GPBP1: variants seen among roughly 807,000 people sequenced by gnomAD.
The protein encoded by GPBP1 is GC-rich promoter binding protein 1.
Under a neutral mutation model 56.5 loss-of-function variants are expected in GPBP1, and 13 were observed. That is an observed-to-expected ratio of 0.23 (90% CI 0.15 to 0.37). GPBP1 has a LOEUF of 0.37. GPBP1 is among the 10% of genes least tolerant of loss of function. GPBP1 has a pLI of 1.00. For missense variants in GPBP1, 477 were observed against 572.3 expected, an observed-to-expected ratio of 0.83 and a Z score of 1.70; for synonymous variants, 204 against 188.9, an observed-to-expected ratio of 1.08 and a Z score of -0.66.
At chr5:57,237,531 C>G in intron 6 of GPBP1, 1 of 212,884 alleles carries the variant, frequency 4.7e-6, no homozygotes, top group Non-Finnish European at 9.7e-6. Context: ...AAGATGTACT[C>G]TTTACTGTGT....
intron 3 of GPBP1, among the ~76,000 whole-genome samples, chr5:57,218,693 C>T (rs957893907): frequency 6.6e-6 from 1 of 152,158 alleles, no homozygotes; most frequent in Non-Finnish European, 1.5e-5. Context: ...AACTTGATTT[C>T]ACCTCAAGTG....
chr5:57,200,820 T>C (rs1024494496), intron 2 of GPBP1, among the ~76,000 whole-genome samples: 1 of 152,202 alleles, frequency 6.6e-6, no homozygotes, highest in Admixed American at 6.5e-5. Context: ...TAGCTGGGAC[T>C]ACAGGCGCTA....
chr5:57,212,148 T>C (rs1473387833), intron 2 of GPBP1, among the ~76,000 whole-genome samples: 1 of 151,826 alleles, frequency 6.6e-6, no homozygotes. Context: ...CAGGCCGATC[T>C]CGAACTCCTG....
At chr5:57,228,610 G>C (rs1367601520) in intron 3 of GPBP1, among the ~76,000 whole-genome samples, 4 of 151,868 alleles carry the variant, frequency 2.6e-5, no homozygotes, top group African/African-American at 9.7e-5. Context: ...CTCTAAGGGG[G>C]AAAAAGATCC....
At chr5:57,242,882 C>T (rs1170174359) in intron 6 of GPBP1, among the ~76,000 whole-genome samples, 6 of 150,848 alleles carry the variant, frequency 4.0e-5, no homozygotes, top group Non-Finnish European at 5.9e-5. Context: ...CCCGAGTAGC[C>T]GGGATTAGAG....
chr5:57,185,869 G>A (rs554612732), intron 2 of GPBP1, among the ~76,000 whole-genome samples: 2 of 151,110 alleles, frequency 1.3e-5, no homozygotes, highest in South Asian at 4.2e-4. Flanking sequence ...GCACAGTGGC[G>A]TGCCCCCTGC....
At chr5:57,219,411 CAAA>C (rs1755845639) in intron 3 of GPBP1, among the ~76,000 whole-genome samples, 3 of 75,882 alleles carry the variant, frequency 4.0e-5, no homozygotes, top group African/African-American at 1.6e-4. Context: ...AAACCAAAAA[CAAA>C]CAAACAAAAA....
At position 57,214,020 on chromosome 5, in the gene GPBP1, G is replaced by A. The variant is rs76371208; in HGVS notation, c.-57-54G>A. ...AGTAAGATCATTGTAATATAAAGGC[G>A]CTAATTTTTGGCCAGGAGCTGCAGG... is the stretch of plus-strand genomic sequence containing the variant. On this transcript the variant is annotated intron_variant, in intron 2 of 11. Coordinates refer to ENST00000506184, the MANE Select transcript of GPBP1 (RefSeq NM_022913.4). 1.6e-4 allele frequency: 120 copies of A among 760,664 alleles called. No homozygotes were observed. The East Asian group carries it at 2.8e-3, about 18-fold the overall frequency. The allele number at this position is 760,664 out of a possible 1,614,324, so 47.1% of individuals were successfully genotyped here.
At chr5:57,207,356 T>G (rs1161927906) in intron 2 of GPBP1, among the ~76,000 whole-genome samples, 1 of 152,140 alleles carries the variant, frequency 6.6e-6, no homozygotes, top group Non-Finnish European at 1.5e-5. Flanking sequence ...TGAAACTTAG[T>G]GAAAGGTTCT....
At chr5:57,213,152 C>G (rs1187116921) in intron 2 of GPBP1, among the ~76,000 whole-genome samples, 1 of 152,012 alleles carries the variant, frequency 6.6e-6, no homozygotes, top group African/African-American at 2.4e-5. Context: ...CTCCCAGGTT[C>G]AAGTGATTTT....
At chr5:57,230,097 A>AT (rs1027089055) in intron 3 of GPBP1, among the ~76,000 whole-genome samples, 6 of 151,402 alleles carry the variant, frequency 4.0e-5, no homozygotes, top group South Asian at 2.1e-4. Context: ...CACCTGGCTC[A>AT]TTTTTTTGTG....
intron 2 of GPBP1, among the ~76,000 whole-genome samples, chr5:57,189,491 G>A (rs1195608500): frequency 6.6e-6 from 1 of 152,032 alleles, no homozygotes; most frequent in African/African-American, 2.4e-5. Flanking sequence ...CTCCTGGCCT[G>A]TGGTGATCCA....
chr5:57,261,235 C>T lies in GPBP1; in HGVS notation c.1216C>T (p.Pro406Ser). The change falls in exon 11 of 12, where the codon CCC becomes TCC. Residue 406 changes from proline (P) to serine (S), a missense_variant. Physicochemically the swap from Pro to Ser is moderately conservative, Grantham distance 74 (BLOSUM62 -1). Coordinates refer to ENST00000506184, the MANE Select transcript of GPBP1 (RefSeq NM_022913.4). ...CAGTGAAAATGATGAAACATGTGCT[C>T]CCTTAACTGAGGATGAAATGAGAGA... ...EDSENDETCA[P>S]LTEDEMREFQ... 1 of 1,612,908 alleles carries T rather than the reference C, an allele frequency of 6.2e-7. No individual in the cohort carries two copies. The highest frequency in any genetic ancestry group is 1.3e-5 in the African/African-American group (1 of 74,962).
intron 2 of GPBP1, among the ~76,000 whole-genome samples, chr5:57,179,942 C>T (rs1753967432): frequency 6.6e-6 from 1 of 151,474 alleles, no homozygotes; most frequent in Non-Finnish European, 1.5e-5. Flanking sequence ...GATTTTTGTG[C>T]TTGAAGCTGC....
intron 6 of GPBP1, among the ~76,000 whole-genome samples, chr5:57,241,143 G>C (rs967149453): frequency 6.6e-6 from 1 of 152,186 alleles, no homozygotes; most frequent in Non-Finnish European, 1.5e-5. Context: ...AAAGAATGAA[G>C]TAGTTAAATG....
chr5:57,218,488 C>T (rs1404788509), intron 3 of GPBP1, among the ~76,000 whole-genome samples: 1 of 152,136 alleles, frequency 6.6e-6, no homozygotes, highest in African/African-American at 2.4e-5. Flanking sequence ...GTGTGTGGAG[C>T]TTCCATGCCC....
At chr5:57,225,398 G>A (rs1756135495) in intron 3 of GPBP1, among the ~76,000 whole-genome samples, 3 of 151,028 alleles carry the variant, frequency 2.0e-5, no homozygotes, top group South Asian at 4.2e-4. Context: ...GGAGGCTGAG[G>A]CAGGAGAATG....
At chr5:57,177,533 G>A (rs1459600544) in intron 2 of GPBP1, among the ~76,000 whole-genome samples, 1 of 151,834 alleles carries the variant, frequency 6.6e-6, no homozygotes, top group African/African-American at 2.4e-5. Flanking sequence ...GAGTACAATG[G>A]CATGATTTTG....
rs758227998 is a variant in GPBP1 at position 57,246,332 on chromosome 5, A to G, written c.511A>G (p.Arg171Gly). The G allele has an allele frequency of 3.1e-6, 5 of 1,613,436 alleles. No homozygotes were observed. Among genetic ancestry groups the G allele is most frequent in the Non-Finnish European group, 3.4e-6 (4 of 1,179,690 alleles). The stretch of plus-strand genomic sequence containing the variant: ...TCCGAATCCTAAATCTAGAGCTCCA[A>G]GGATGCTGGTCATTAAGAAAGGTAA... ...YPPNPKSRAPRMLVIKKGNTK... is the reference protein window; with the variant it reads ...YPPNPKSRAPGMLVIKKGNTK... The change falls in exon 7 of 12, where the codon AGG becomes GGG. Residue 171 changes from arginine (R) to glycine (G), a missense_variant. Arg to Gly is a moderately radical substitution (Grantham distance 125, BLOSUM62 -2). Transcript: ENST00000506184.
Sources: allele counts gnomAD v4.1 joint callset (sites outside exome capture counted in the v4.1 genomes callset), GRCh38; gene constraint gnomAD v4.1.1; transcripts MANE v1.5; gene names NCBI Gene and HGNC (gene_info 2026-07-23, HGNC 2026-07-21).